Variants in TMEM126B observed in about 807,000 individuals in gnomAD.
TMEM126B encodes complex I assembly factor TMEM126B, mitochondrial.
Under a neutral mutation model 16.5 loss-of-function variants are expected in TMEM126B, and 19 were observed. The ratio of observed to expected loss-of-function variants is 1.15; its 90% confidence interval spans 0.80 to 1.69. The LOEUF is 1.69. TMEM126B is among the 40% of genes most tolerant of loss of function. The pLI is 0.00. For synonymous variants in TMEM126B, 104 were observed against 93.2 expected, an observed-to-expected ratio of 1.12 and a Z score of -0.67; for missense variants, 293 against 278.7, an observed-to-expected ratio of 1.05 and a Z score of -0.37.
intron 1 of TMEM126B, chr11:85,631,452 G>A (rs895142882): frequency 6.5e-5 from 55 of 844,394 alleles, no homozygotes; most frequent in Non-Finnish European, 7.8e-5. Context: ...TGTCTGTATT[G>A]TAGGATGTTT....
At position 85,636,407 on chromosome 11, in the gene TMEM126B, C is replaced by A; in HGVS notation, c.*178C>A. 1 of 406,490 alleles carries A rather than the reference C, an allele frequency of 2.5e-6. No homozygotes were observed. The highest frequency in any genetic ancestry group is 4.3e-6 in the Non-Finnish European group (1 of 233,712). The allele number at this position is 406,490 out of a possible 1,614,324, so 25.2% of individuals were successfully genotyped here. On this transcript the variant is annotated 3_prime_UTR_variant, in exon 5 of 5. Transcript: ENST00000358867. ...TTCAATCAATAAATATAAGTTTCAT[C>A]TTACACGTAAGATACAGGTCTTATC...
At chr11:85,630,451 A>C (rs1054215454) in intron 1 of TMEM126B, among the ~76,000 whole-genome samples, 1 of 152,228 alleles carries the variant, frequency 6.6e-6, no homozygotes, top group African/African-American at 2.4e-5. Flanking sequence ...AGTAAAAAGC[A>C]CTGAATTTAG....
At chr11:85,628,587 C>T (rs2082137803), upstream of TMEM126B, 1 of 1,528,050 alleles carries the variant, frequency 6.5e-7, no homozygotes. Context: ...CGCCCACCGG[C>T]AAGTCACATG....
chr11:85,629,276 T>C (rs1380667192), intron 1 of TMEM126B: 4 of 1,276,526 alleles, frequency 3.1e-6, no homozygotes, highest in Non-Finnish European at 4.1e-6. Context: ...AAATTTATTA[T>C]TAGGTGAAAA....
intron 3 of TMEM126B, among the ~76,000 whole-genome samples, chr11:85,635,320 G>T (rs1297350968): frequency 1.3e-5 from 2 of 152,174 alleles, no homozygotes; most frequent in African/African-American, 2.4e-5. Flanking sequence ...GCTGAGGCAT[G>T]AGAATTGCTT....
At chr11:85,631,868 A>G in intron 2 of TMEM126B, 60 bp downstream of exon 2, 3 of 1,507,734 alleles carry the variant, frequency 2.0e-6, no homozygotes, top group East Asian at 2.4e-5. Context: ...TTGTATTGCC[A>G]TTGTTTCTAA....
chr11:85,630,577 A>G (rs1204554188), intron 1 of TMEM126B, among the ~76,000 whole-genome samples: 1 of 152,248 alleles, frequency 6.6e-6, no homozygotes, highest in Admixed American at 6.5e-5. Flanking sequence ...TGCCCAGAGC[A>G]AAACATTCAG....
Position 85,636,294 on chromosome 11 carries a change from C to A in TMEM126B, c.*65C>A. The A allele has an allele frequency of 8.3e-7, 1 of 1,205,570 alleles. No individual in the cohort carries two copies. Among genetic ancestry groups the A allele is most frequent in the Non-Finnish European group, 1.1e-6 (1 of 909,154 alleles). The allele number at this position is 1,205,570 out of a possible 1,614,324, so 74.7% of individuals were successfully genotyped here. A position where few individuals can be genotyped will look rare whatever the true frequency, so the allele number is the denominator to read the frequency against. ...TTCTATAAAGAGGACTCAGGCATTG[C>A]TGAAAGAGTTAAAAGTAACTGTGAA... On this transcript the variant is annotated 3_prime_UTR_variant, in exon 5 of 5. Transcript: ENST00000358867.
intron 4 of TMEM126B, 43 bp downstream of exon 4, chr11:85,635,821 C>CTTTTTTTTTTTTTTTTTTTTTTTTTTT (rs58671332): frequency 7.6e-5 from 66 of 869,618 alleles, no homozygotes; most frequent in Middle Eastern, 3.8e-4. Context: ...CTTTTCTTTT[C>CTTTTTTTTTTTTTTTTTTTTTTTTTTT]TTTTTTTTTT....
At chr11:85,631,111 C>G in intron 1 of TMEM126B, 10 of 1,279,734 alleles carry the variant, frequency 7.8e-6, no homozygotes, top group Non-Finnish European at 1.0e-5. Flanking sequence ...TCACTATTCT[C>G]CAAGGCAATC....
intron 1 of TMEM126B, 97 bp downstream of exon 1, chr11:85,628,785 A>G: frequency 1.6e-6 from 2 of 1,237,828 alleles, no homozygotes; most frequent in South Asian, 1.3e-5. Context: ...AGATTTGAAA[A>G]GTTAAAACAG....
At chr11:85,629,287 A>G in intron 1 of TMEM126B, 1 of 1,241,636 alleles carries the variant, frequency 8.1e-7, no homozygotes, top group Non-Finnish European at 1.1e-6. Context: ...TAGGTGAAAA[A>G]TTTATTATTA....
At chr11:85,635,584 C>T in intron 3 of TMEM126B, 83 bp from the exon 4 acceptor site, 1 of 861,934 alleles carries the variant, frequency 1.2e-6, no homozygotes, top group South Asian at 1.6e-5. Context: ...GAGGATAGTG[C>T]AGATAACTAC....
At chr11:85,631,550 ATG>A (rs1302792296) in intron 1 of TMEM126B, 135 bp from the exon 2 acceptor site, 2 of 985,606 alleles carry the variant, frequency 2.0e-6, no homozygotes, top group Non-Finnish European at 1.5e-6. Context: ...CTAACAAAGT[ATG>A]TGAAAGCAGA....
intron 1 of TMEM126B, 75 bp downstream of exon 1, chr11:85,628,763 T>TA (rs1369234456): frequency 2.1e-6 from 3 of 1,397,702 alleles, no homozygotes; most frequent in South Asian, 2.5e-5. Flanking sequence ...TCTAAGATGA[T>TA]ACCTTTAAAG....
chr11:85,632,303 G>A (rs1322170693), intron 2 of TMEM126B, among the ~76,000 whole-genome samples: 1 of 152,098 alleles, frequency 6.6e-6, no homozygotes, highest in Non-Finnish European at 1.5e-5. Flanking sequence ...GAGTGCAGTG[G>A]CACAATCTCG....
Position 85,628,734 on chromosome 11 carries a change from C to G in TMEM126B, c.81+46C>G, listed in dbSNP as rs1162907149. 5 of 1,502,558 alleles carry G rather than the reference C, an allele frequency of 3.3e-6. No homozygotes were observed. The Admixed American group carries it at 9.9e-5, about 30-fold the overall frequency. 93.1% of individuals were successfully genotyped at this position (1,502,558 alleles called of 1,614,324 possible). A position where few individuals can be genotyped will look rare whatever the true frequency, so the allele number is the denominator to read the frequency against. On this transcript the variant is annotated intron_variant, in intron 1 of 4. Coordinates refer to ENST00000358867, the MANE Select transcript of TMEM126B (RefSeq NM_018480.7). ...GTATGGGGGGTGATTTCTGCACCTT[C>G]AAAGTGTTGGCAGACTCTTCTAAGA...
intron 3 of TMEM126B, 129 bp downstream of exon 3, chr11:85,634,408 A>G (rs2082361524): frequency 4.5e-6 from 3 of 660,340 alleles, no homozygotes; most frequent in Non-Finnish European, 4.9e-6. Flanking sequence ...CAAAGTCCAT[A>G]TACCTTGTCA....
intron 1 of TMEM126B, 72 bp from the exon 2 acceptor site, chr11:85,631,615 T>G: frequency 2.0e-6 from 3 of 1,501,280 alleles, no homozygotes; most frequent in Non-Finnish European, 2.7e-6. Context: ...AATCTGAATC[T>G]GTAGAATTCT....
Sources: allele counts gnomAD v4.1 joint callset (sites outside exome capture counted in the v4.1 genomes callset), GRCh38; gene constraint gnomAD v4.1.1; transcripts MANE v1.5; gene names NCBI Gene and HGNC (gene_info 2026-07-23, HGNC 2026-07-21).